PITPNC1: variants seen among roughly 807,000 people sequenced by gnomAD.
PITPNC1 encodes phosphatidylinositol transfer protein cytoplasmic 1, also known as cytoplasmic phosphatidylinositol transfer protein 1.
PITPNC1 carries 18 observed loss-of-function variants against 44.7 expected under a neutral mutation model. The ratio of observed to expected loss-of-function variants is 0.40; its 90% CI spans 0.28 to 0.60. The LOEUF (loss-of-function observed/expected upper bound fraction) is 0.60. Ranked by LOEUF, PITPNC1 falls within the 20% of genes least tolerant of loss-of-function variation. PITPNC1 has a pLI of 0.39. For missense variants in PITPNC1, 290 were observed against 418.4 expected, an observed-to-expected ratio of 0.69 and a Z score of 2.68; for synonymous variants, 141 against 149.6, an observed-to-expected ratio of 0.94 and a Z score of 0.42.
In PITPNC1 at chr17:67,597,886, A is replaced by T. The variant is rs1199363550; in HGVS notation, c.366+19629A>T. On this transcript the variant is annotated intron_variant, in intron 5 of 8. Transcript: ENST00000581322. The surrounding 1 kb of genome is among the most constrained non-coding windows in gnomAD (Gnocchi z 4.0). ...ACAGGAGATTTTTGCAGTAGATCAG[A>T]TGATAGAGAATGCAGCCCGAGATTT... Among the ~76,000 whole-genome samples, 1 of 152,112 alleles carries T rather than the reference A, an allele frequency of 6.6e-6. No individual in the cohort carries two copies. The highest frequency in any genetic ancestry group is 1.5e-5 in the Non-Finnish European group (1 of 68,008).
chr17:67,674,880 C>G (rs1221577796), intron 7 of PITPNC1, among the ~76,000 whole-genome samples: 2 of 151,792 alleles, frequency 1.3e-5, no homozygotes, highest in Admixed American at 1.3e-4. Context: ...GGCATGGTGG[C>G]CCACGCCTGT....
intron 1 of PITPNC1, among the ~76,000 whole-genome samples, chr17:67,526,644 A>T (rs1434682338): frequency 6.6e-6 from 1 of 151,934 alleles, no homozygotes; most frequent in Non-Finnish European, 1.5e-5. Flanking sequence ...AGGCAGGAGA[A>T]TTCCTTGAAC....
At position 67,533,305 on chromosome 17, in the gene PITPNC1, C is replaced by T. The variant is rs141694913; in HGVS notation, c.197+355C>T. Among the ~76,000 whole-genome samples the T allele has an allele frequency of 2.2e-3, 329 of 152,194 alleles. 2 individuals are homozygous for T. The highest frequency in any genetic ancestry group is 6.9e-3 in the African/African-American group (285 of 41,520). ...AAATAAAATAAACGAAATGAATCTCCCCCTCCCCACCTTGCATTCTGCAAA... is the reference window on the plus strand; with the variant it reads ...AAATAAAATAAACGAAATGAATCTCTCCCTCCCCACCTTGCATTCTGCAAA... On this transcript the variant is annotated intron_variant, in intron 2 of 8. Coordinates refer to ENST00000581322, the MANE Select transcript of PITPNC1 (RefSeq NM_012417.4).
intron 1 of PITPNC1, among the ~76,000 whole-genome samples, chr17:67,466,204 G>T (rs554767464): frequency 9.0e-6 from 1 of 111,128 alleles, no homozygotes; most frequent in East Asian, 3.5e-4. Flanking sequence ...GGGTGGGGGG[G>T]TGGGGGGGGG....
rs1487659416 is a variant in PITPNC1 at position 67,390,463 on chromosome 17, T to C, written c.48+12261T>C. ...CTGGCCCTGGCTCCAGGTGCATATC[T>C]CTGCTTTCCGTGAGCATTGAATGGG... On this transcript the variant is annotated intron_variant, in intron 1 of 8. Coordinates refer to ENST00000581322, the MANE Select transcript of PITPNC1 (RefSeq NM_012417.4). 2.0e-5 allele frequency among the ~76,000 whole-genome samples: 3 copies of C among 152,154 alleles called. No individual in the cohort carries two copies. The East Asian group carries it at 5.8e-4, about 29-fold the overall frequency.
At chr17:67,424,605 C>T (rs553700790) in intron 1 of PITPNC1, among the ~76,000 whole-genome samples, 176 of 152,024 alleles carry the variant, frequency 1.2e-3, no homozygotes, top group African/African-American at 3.9e-3. Flanking sequence ...TGCAGTGATC[C>T]GGGATCGCAC....
Position 67,655,621 on chromosome 17 carries a change from C to T in PITPNC1, c.463-13887C>T, listed in dbSNP as rs113962505. On this transcript the variant is annotated intron_variant, in intron 6 of 8. Transcript: ENST00000581322. ...CCCAAAGGTCCCCACCCCCTAATACCATCACACTGGTGATTAAGTTTCAAC... is the reference window on the plus strand; with the variant it reads ...CCCAAAGGTCCCCACCCCCTAATACTATCACACTGGTGATTAAGTTTCAAC... Among the ~76,000 whole-genome samples, 198 of 147,052 alleles carry T rather than the reference C, an allele frequency of 1.3e-3. 1 individual carries two copies. The highest frequency in any genetic ancestry group is 4.9e-3 in the African/African-American group (194 of 39,354).
intron 1 of PITPNC1, among the ~76,000 whole-genome samples, chr17:67,467,153 C>G (rs1230272557): frequency 1.5e-5 from 2 of 137,310 alleles, no homozygotes; most frequent in Non-Finnish European, 3.0e-5. Context: ...TCAAGTGATT[C>G]TCCTGCCTCA....
intron 2 of PITPNC1, among the ~76,000 whole-genome samples, chr17:67,539,879 G>T (rs1386117564): frequency 6.6e-6 from 1 of 151,944 alleles, no homozygotes; most frequent in Non-Finnish European, 1.5e-5. Context: ...CATATAGTAT[G>T]ATGCCATTTA....
rs544911339 is a variant in PITPNC1, at chr17:67,452,198, C to T, written c.48+73996C>T. 3.3e-5 allele frequency among the ~76,000 whole-genome samples: 5 copies of T among 151,180 alleles called. No individual in the cohort carries two copies. The East Asian group carries it at 8.2e-4, about 25-fold the overall frequency. ...TTTTTGTATTTTTGTTTTGTATAGA[C>T]GGGGGTCTCACTATGTTTCCCAGGC... On this transcript the variant is annotated intron_variant, in intron 1 of 8. Coordinates refer to ENST00000581322, the MANE Select transcript of PITPNC1 (RefSeq NM_012417.4).
At chr17:67,680,208 T>TG (rs2042676693) in intron 8 of PITPNC1, among the ~76,000 whole-genome samples, 4 of 152,142 alleles carry the variant, frequency 2.6e-5, no homozygotes, top group Admixed American at 6.5e-5. Context: ...TTCGTTTATC[T>TG]GGGGAGAGAA....
At chr17:67,575,853 T>A in intron 4 of PITPNC1, among the ~76,000 whole-genome samples, 1 of 90,918 alleles carries the variant, frequency 1.1e-5, no homozygotes, top group Non-Finnish European at 2.1e-5. Flanking sequence ...TTTCTTTCTT[T>A]CTTTCCTTCC....
At chr17:67,692,454 G>A in intron 8 of PITPNC1, 118 bp from the exon 9 acceptor site, 1 of 715,740 alleles carries the variant, frequency 1.4e-6, no homozygotes, top group Non-Finnish European at 2.4e-6. Flanking sequence ...TGTATAATCG[G>A]GAGAGGCCCC....
chr17:67,387,260 C>A (rs947308835), intron 1 of PITPNC1, among the ~76,000 whole-genome samples: 2 of 152,208 alleles, frequency 1.3e-5, no homozygotes, highest in Non-Finnish European at 1.5e-5. Context: ...CCCTGCTGCT[C>A]TCCTGGGTTA....
intron 1 of PITPNC1, among the ~76,000 whole-genome samples, chr17:67,425,419 C>T (rs1598646022): frequency 6.6e-6 from 1 of 151,334 alleles, no homozygotes; most frequent in Non-Finnish European, 1.5e-5. Context: ...CTTTCTTCTT[C>T]CTGTCTTCTT....
chr17:67,477,203 G>A (rs371660238), intron 1 of PITPNC1, among the ~76,000 whole-genome samples: 74 of 148,078 alleles, frequency 5.0e-4, no homozygotes, highest in African/African-American at 1.7e-3. Context: ...AGCCCCCCAA[G>A]TACCTGAGAC....
intron 1 of PITPNC1, among the ~76,000 whole-genome samples, chr17:67,528,843 C>T (rs763444935): frequency 2.6e-5 from 4 of 152,164 alleles, no homozygotes; most frequent in African/African-American, 4.8e-5. Flanking sequence ...CTCTCTGTCT[C>T]TTCTCCCTCC....
intron 1 of PITPNC1, among the ~76,000 whole-genome samples, chr17:67,432,515 A>G (rs1008742759): frequency 6.6e-6 from 1 of 152,148 alleles, no homozygotes; most frequent in South Asian, 2.1e-4. Flanking sequence ...AAATAAATAA[A>G]TACATAAATA....
intron 5 of PITPNC1, among the ~76,000 whole-genome samples, chr17:67,599,353 A>G (rs1383280916): frequency 6.6e-6 from 1 of 152,064 alleles, no homozygotes; most frequent in East Asian, 1.9e-4. Context: ...AGAGATACAG[A>G]TTTGGAAGTC....
Sources: allele counts gnomAD v4.1 joint callset (sites outside exome capture counted in the v4.1 genomes callset), GRCh38; gene constraint gnomAD v4.1.1; non-coding constraint Gnocchi (gnomAD v3.1); transcripts MANE v1.5; gene names NCBI Gene and HGNC (gene_info 2026-07-23, HGNC 2026-07-21).